Variants in RORA observed in about 807,000 individuals in gnomAD.
The protein encoded by RORA is RAR related orphan receptor A.
RORA carries 7 observed loss-of-function variants against 69.5 expected under a neutral mutation model. That is an observed-to-expected ratio of 0.10 (90% CI 0.06 to 0.19). RORA has a LOEUF of 0.19. Ranked by LOEUF, RORA falls within the 10% of genes least tolerant of loss-of-function variation. RORA has a pLI of 1.00. For synonymous variants in RORA, 261 were observed against 240.8 expected (o/e 1.08, Z -0.78); for missense variants, 457 against 663.0 (o/e 0.69, Z 3.41).
intron 2 of RORA, among the ~76,000 whole-genome samples, chr15:60,631,463 T>A (rs551199405): frequency 3.9e-5 from 6 of 152,322 alleles, no homozygotes; most frequent in African/African-American, 1.4e-4. Flanking sequence ...CTCCAGCTCA[T>A]ATCAATTCAT....
At chr15:60,566,748 G>C (rs2067723705) in intron 2 of RORA, among the ~76,000 whole-genome samples, 1 of 152,176 alleles carries the variant, frequency 6.6e-6, no homozygotes, top group Admixed American at 6.5e-5. Flanking sequence ...CCTAGGCAGT[G>C]AAAGTTGCGA....
Position 60,827,258 on chromosome 15 carries a change from T to C in RORA, c.167-148572A>G, listed in dbSNP as rs542902193. ...AGAAGGCTCTGCTAAAATACACATA[T>C]ATTACTTTTGAAAGTCACATATTAA... is the stretch of plus-strand genomic sequence containing the variant. On this transcript the variant is annotated intron_variant, in intron 1 of 10. Coordinates refer to ENST00000335670, the MANE Select transcript of RORA (RefSeq NM_134261.3). 7.0e-4 allele frequency among the ~76,000 whole-genome samples: 107 copies of C among 152,326 alleles called. 1 individual carries two copies. The highest frequency in any genetic ancestry group is 2.4e-3 in the African/African-American group (101 of 41,570).
intron 1 of RORA, among the ~76,000 whole-genome samples, chr15:61,089,793 T>C (rs140205916): frequency 1.3e-5 from 2 of 152,298 alleles, no homozygotes; most frequent in Admixed American, 6.5e-5. Flanking sequence ...AGTTCCTCTG[T>C]AGCCCACCGA....
In RORA at chr15:60,516,555, A is replaced by G. The variant is rs186236527; in HGVS notation, c.283-1798T>C. 2.2e-3 allele frequency among the ~76,000 whole-genome samples: 340 copies of G among 152,074 alleles called. 1 individual carries two copies. The highest frequency in any genetic ancestry group is 2.0e-3 in the Non-Finnish European group (138 of 67,998). On this transcript the variant is annotated intron_variant, in intron 3 of 10. Transcript: ENST00000335670. ...TTAGTTGTGAAGATAGATGACCCCA[A>G]TGAGGGCGACACTAGTGGGGAGAGG...
At chr15:60,683,349 A>G (rs1207417815) in intron 1 of RORA, among the ~76,000 whole-genome samples, 1 of 152,046 alleles carries the variant, frequency 6.6e-6, no homozygotes, top group Non-Finnish European at 1.5e-5. Context: ...TCATCAACCA[A>G]TGGCTCCTTG....
chr15:60,668,848 A>C (rs1234851828), intron 2 of RORA, among the ~76,000 whole-genome samples: 1 of 152,254 alleles, frequency 6.6e-6, no homozygotes, highest in African/African-American at 2.4e-5. Context: ...ACATATTCTA[A>C]GGAAATTAAG....
chr15:60,656,439 A>G (rs1418711196), intron 2 of RORA, among the ~76,000 whole-genome samples: 1 of 152,246 alleles, frequency 6.6e-6, no homozygotes, highest in East Asian at 1.9e-4. Context: ...AACTTACTAG[A>G]CAAAGTAAAC....
At chr15:60,687,181 C>T (rs2070762519) in intron 1 of RORA, among the ~76,000 whole-genome samples, 1 of 152,078 alleles carries the variant, frequency 6.6e-6, no homozygotes, top group Non-Finnish European at 1.5e-5. Context: ...AAATGAGGCC[C>T]ACTCTCAGAT....
At chr15:60,591,523 C>T (rs1427754443) in intron 2 of RORA, among the ~76,000 whole-genome samples, 1 of 152,200 alleles carries the variant, frequency 6.6e-6, no homozygotes, top group South Asian at 2.1e-4. Flanking sequence ...CCCCTCCCGC[C>T]CCCGGCCCGG....
rs340014 is a variant in RORA, at chr15:60,610,546, C to A, written c.196+68111G>T. Among the ~76,000 whole-genome samples, 355 of 152,166 alleles carry A rather than the reference C, an allele frequency of 2.3e-3. 1 individual carries two copies. The highest frequency in any genetic ancestry group is 8.1e-3 in the African/African-American group (335 of 41,502). On this transcript the variant is annotated intron_variant, in intron 2 of 10. Transcript: ENST00000335670. ...AATCACGGTAAGGAGGTGAAAAATG[C>A]GGGACTGATCGACAATAAGTGAGAT...
At chr15:61,007,778 TG>T (rs1894957374) in intron 1 of RORA, among the ~76,000 whole-genome samples, 2 of 147,736 alleles carry the variant, frequency 1.4e-5, no homozygotes, top group Non-Finnish European at 3.0e-5. Flanking sequence ...AACATTAGGC[TG>T]TTATATATTT....
Position 60,724,383 on chromosome 15 carries a change from G to A in RORA, c.167-45697C>T, listed in dbSNP as rs562497960. On this transcript the variant is annotated intron_variant, in intron 1 of 10. Coordinates refer to ENST00000335670, the MANE Select transcript of RORA (RefSeq NM_134261.3). The stretch of plus-strand genomic sequence containing the variant: ...CAATTATTATCCCTATCATAGTAAA[G>A]GAAAACGAAGCACAGAGAGCTTATG... 5.9e-5 allele frequency among the ~76,000 whole-genome samples: 9 copies of A among 152,218 alleles called. No homozygotes were observed. In the South Asian group the frequency reaches 1.9e-3, roughly 32 times the overall value.
chr15:60,863,540 C>G (rs1431134669), intron 1 of RORA, among the ~76,000 whole-genome samples: 2 of 152,102 alleles, frequency 1.3e-5, no homozygotes, highest in Non-Finnish European at 2.9e-5. Context: ...ATTCATGAAC[C>G]CTCACCAAAT....
intron 1 of RORA, among the ~76,000 whole-genome samples, chr15:60,777,355 G>C (rs1005938606): frequency 7.9e-5 from 12 of 152,178 alleles, no homozygotes; most frequent in African/African-American, 2.9e-4. Context: ...TAGATATCAC[G>C]AGACCCTGGT....
intron 2 of RORA, among the ~76,000 whole-genome samples, chr15:60,582,929 G>C (rs796157042): frequency 6.6e-5 from 10 of 152,112 alleles, no homozygotes; most frequent in African/African-American, 2.4e-4. Flanking sequence ...CCTAGCTGTT[G>C]TTATTATCTG....
chr15:60,588,458 A>ATCCATCCG (rs1243940318), intron 2 of RORA, among the ~76,000 whole-genome samples: 1 of 151,868 alleles, frequency 6.6e-6, no homozygotes, highest in Non-Finnish European at 1.5e-5. Flanking sequence ...TCATCCATCC[A>ATCCATCCG]TCCATCCATC....
intron 1 of RORA, among the ~76,000 whole-genome samples, chr15:61,198,527 C>G (rs1567034123): frequency 6.6e-6 from 1 of 152,140 alleles, no homozygotes; most frequent in Non-Finnish European, 1.5e-5. Context: ...TGAAACTAGA[C>G]TGAACAGAAA....
At chr15:60,836,251 G>A (rs1210909019) in intron 1 of RORA, among the ~76,000 whole-genome samples, 1 of 152,214 alleles carries the variant, frequency 6.6e-6, no homozygotes, top group Non-Finnish European at 1.5e-5. Flanking sequence ...ATCCCTCAAA[G>A]ATCTGGGCTG....
At chr15:60,885,415 T>C (rs558958315) in intron 1 of RORA, among the ~76,000 whole-genome samples, 2 of 152,308 alleles carry the variant, frequency 1.3e-5, no homozygotes, top group South Asian at 2.1e-4. Context: ...CTGGCTGCAG[T>C]TGAATACCAA....
Sources: gnomAD v4.1 joint callset for allele counts (sites outside exome capture counted in the v4.1 genomes callset) on GRCh38, gnomAD v4.1.1 for gene constraint, MANE v1.5 for transcripts, NCBI Gene and HGNC (gene_info 2026-07-23, HGNC 2026-07-21) for gene names.